PARD3: variants seen among roughly 807,000 people sequenced by gnomAD.
PARD3 encodes par-3 family cell polarity regulator, also known as partitioning defective 3 homolog.
Under a neutral mutation model 155.4 loss-of-function variants are expected in PARD3, and 75 were observed. That is an observed-to-expected ratio of 0.48 (90% CI 0.40 to 0.58). The LOEUF (loss-of-function observed/expected upper bound fraction) is 0.58. Ranked by LOEUF, PARD3 falls within the 20% of genes least tolerant of loss-of-function variation. PARD3 has a pLI of 0.00. For missense variants in PARD3, 1,642 were observed against 1,721.7 expected, an observed-to-expected ratio of 0.95 and a Z score of 0.82; for synonymous variants, 576 against 610.5, an observed-to-expected ratio of 0.94 and a Z score of 0.83.
intron 5 of PARD3, among the ~76,000 whole-genome samples, chr10:34,428,371 C>T (rs1202171015): frequency 6.6e-6 from 1 of 152,068 alleles, no homozygotes; most frequent in Non-Finnish European, 1.5e-5. Context: ...ATGTCTTAAG[C>T]CAGGTGTGGT....
intron 1 of PARD3, among the ~76,000 whole-genome samples, chr10:34,709,607 G>A (rs779726989): frequency 1.3e-5 from 2 of 151,870 alleles, no homozygotes; most frequent in South Asian, 4.2e-4. Context: ...GACTACCCCT[G>A]GGCTGAGGGG....
intron 1 of PARD3, among the ~76,000 whole-genome samples, chr10:34,741,347 C>G (rs1044549714): frequency 6.6e-6 from 1 of 151,482 alleles, no homozygotes; most frequent in African/African-American, 2.4e-5. Flanking sequence ...CCACATCTGG[C>G]TAAGTTTTTT....
chr10:34,247,489 G>T (rs189866783), intron 22 of PARD3, among the ~76,000 whole-genome samples: 17 of 152,180 alleles, frequency 1.1e-4, no homozygotes, highest in Admixed American at 6.5e-5. Context: ...GTGACACAGC[G>T]ACTCTGAAAG....
intron 1 of PARD3, among the ~76,000 whole-genome samples, chr10:34,762,151 C>T (rs1837519476): frequency 1.3e-5 from 2 of 152,044 alleles, no homozygotes; most frequent in Admixed American, 1.3e-4. Context: ...CAGGTCACTC[C>T]TACAATAGGT....
chr10:34,473,530 TAA>T lies in PARD3; in HGVS notation c.404-3269_404-3268del, dbSNP rs5784420. 7.3e-4 allele frequency among the ~76,000 whole-genome samples: 106 copies of T among 145,980 alleles called. 1 individual carries two copies. Among genetic ancestry groups the T allele is most frequent in the African/African-American group, 2.4e-3 (99 of 40,550 alleles). On this transcript the variant is annotated intron_variant, in intron 3 of 24. Coordinates refer to ENST00000374788, the MANE Select transcript of PARD3 (RefSeq NM_001184785.2). ...AGTGAGATCCTGTCTCTACAAAAAATAAAAAAAAAAAAAATAGACAACTGTGG... is the reference window on the plus strand; with the variant it reads ...AGTGAGATCCTGTCTCTACAAAAAATAAAAAAAAAAAATAGACAACTGTGG...
intron 1 of PARD3, among the ~76,000 whole-genome samples, chr10:34,784,066 C>T (rs1840623230): frequency 6.6e-6 from 1 of 152,056 alleles, no homozygotes; most frequent in African/African-American, 2.4e-5. Flanking sequence ...TAAAAATTAG[C>T]CAGGCATGGT....
intron 2 of PARD3, among the ~76,000 whole-genome samples, chr10:34,540,422 A>T (rs1008369010): frequency 1.3e-5 from 2 of 152,048 alleles, no homozygotes; most frequent in Non-Finnish European, 2.9e-5. Context: ...TGGCGGGGAG[A>T]CTACTCCAGT....
At chr10:34,596,914 A>G (rs2089317205) in intron 2 of PARD3, among the ~76,000 whole-genome samples, 1 of 152,208 alleles carries the variant, frequency 6.6e-6, no homozygotes, top group African/African-American at 2.4e-5. Flanking sequence ...TTTTAGGTAC[A>G]TCAATAAGAA....
chr10:34,474,555 T>TA (rs2078580746), intron 3 of PARD3, among the ~76,000 whole-genome samples: 1 of 152,164 alleles, frequency 6.6e-6, no homozygotes, highest in Non-Finnish European at 1.5e-5. Flanking sequence ...ACCCACCACT[T>TA]AAACGGAGGG....
At chr10:34,367,642 G>A (rs1187674494) in intron 12 of PARD3, among the ~76,000 whole-genome samples, 1 of 152,210 alleles carries the variant, frequency 6.6e-6, no homozygotes, top group Admixed American at 6.5e-5. Flanking sequence ...CGAGAAGGTT[G>A]CAGTGAGCCG....
At chr10:34,570,022 T>C (rs76043726) in intron 2 of PARD3, among the ~76,000 whole-genome samples, 3,928 of 152,242 alleles carry the variant, frequency 0.026, 78 homozygotes, top group Non-Finnish European at 0.039. Flanking sequence ...GAGACAAATA[T>C]TAGGCTCAGA....
chr10:34,235,742 T>C (rs1261926411), intron 22 of PARD3, among the ~76,000 whole-genome samples: 6 of 152,190 alleles, frequency 3.9e-5, no homozygotes, highest in Admixed American at 2.0e-4. Flanking sequence ...TATGCATATG[T>C]ATGAAGAAGG....
intron 12 of PARD3, among the ~76,000 whole-genome samples, chr10:34,363,565 A>G (rs1288945411): frequency 6.6e-6 from 1 of 152,210 alleles, no homozygotes; most frequent in East Asian, 1.9e-4. Context: ...TTGAAATGCT[A>G]TATTACTGAG....
chr10:34,160,603 C>G (rs2133042660), intron 22 of PARD3, among the ~76,000 whole-genome samples: 1 of 152,294 alleles, frequency 6.6e-6, no homozygotes, highest in Non-Finnish European at 1.5e-5. Context: ...TTGCATTAAA[C>G]AAGATGCAGA....
At chr10:34,654,284 G>T (rs930173053) in intron 2 of PARD3, among the ~76,000 whole-genome samples, 1 of 152,066 alleles carries the variant, frequency 6.6e-6, no homozygotes, top group African/African-American at 2.4e-5. Flanking sequence ...ACATGTATAA[G>T]GTGATATCAT....
At chr10:34,192,560 T>C (rs1286850953) in intron 22 of PARD3, among the ~76,000 whole-genome samples, 2 of 152,196 alleles carry the variant, frequency 1.3e-5, no homozygotes, top group African/African-American at 2.4e-5. Flanking sequence ...ACTTAAACAA[T>C]AGGCTTCTAA....
At chr10:34,561,428 T>G (rs1315506137) in intron 2 of PARD3, among the ~76,000 whole-genome samples, 14 of 152,226 alleles carry the variant, frequency 9.2e-5, no homozygotes, top group Non-Finnish European at 2.9e-5. Flanking sequence ...TCATATTCAT[T>G]AAAACTGGGT....
Position 34,359,154 on chromosome 10 carries a change from C to T in PARD3, c.2060G>A (p.Cys687Tyr), listed in dbSNP as rs1839200125. The T allele has an allele frequency of 6.2e-7, 1 of 1,610,934 alleles. No individual in the cohort carries two copies. Among genetic ancestry groups the T allele is most frequent in the Non-Finnish European group, 8.5e-7 (1 of 1,178,746 alleles). Residue 687 changes from cysteine (C) to tyrosine (Y), a missense_variant, in exon 14 of 25, where the codon TGC becomes TAC. Coordinates refer to ENST00000374788, the MANE Select transcript of PARD3 (RefSeq NM_001184785.2). Reference protein sequence around the residue: ...QLIVARRISKCNELKSPGSPP... With the variant: ...QLIVARRISKYNELKSPGSPP... ...CTTTTTTGCATTTCTTACCTCATTG[C>T]ACTTGCTTATTCTCCTTGCAACAAT...
At chr10:34,520,655 A>T (rs1042282532) in intron 2 of PARD3, among the ~76,000 whole-genome samples, 3 of 152,160 alleles carry the variant, frequency 2.0e-5, no homozygotes, top group Non-Finnish European at 1.5e-5. Flanking sequence ...CTACTCACTA[A>T]TTATAGTATG....
Sources: gnomAD v4.1 joint callset for allele counts (sites outside exome capture counted in the v4.1 genomes callset) on GRCh38, gnomAD v4.1.1 for gene constraint, MANE v1.5 for transcripts, NCBI Gene and HGNC (gene_info 2026-07-23, HGNC 2026-07-21) for gene names.